Variants in MSI2 observed in about 807,000 individuals in gnomAD.
MSI2 encodes RNA-binding protein Musashi homolog 2.
In MSI2, 17 loss-of-function variants were observed where a neutral mutation model predicts 45.6. The ratio of observed to expected loss-of-function variants is 0.37; its 90% confidence interval spans 0.26 to 0.56. The LOEUF is 0.56. Ranked by LOEUF, MSI2 falls within the 20% of genes least tolerant of loss-of-function variation. MSI2 has a pLI of 0.77. For synonymous variants in MSI2, 156 were observed against 158.2 expected, an observed-to-expected ratio of 0.99 and a Z score of 0.11; for missense variants, 293 against 444.2, an observed-to-expected ratio of 0.66 and a Z score of 3.06.
At chr17:57,660,124 G>A (rs1402820547) in intron 11 of MSI2, among the ~76,000 whole-genome samples, 1 of 152,154 alleles carries the variant, frequency 6.6e-6, no homozygotes, top group Non-Finnish European at 1.5e-5. Flanking sequence ...CTTGTTCAGG[G>A]ATCCTTTTTC....
rs1907675322 is a variant in MSI2, at chr17:57,616,209, G to A, written c.652+125G>A. The A allele has an allele frequency of 5.9e-6, 4 of 672,954 alleles. No individual in the cohort carries two copies. The South Asian group carries it at 7.1e-5, about 12-fold the overall frequency. 41.7% of individuals were successfully genotyped at this position (672,954 alleles called of 1,614,324 possible). On this transcript the variant is annotated intron_variant, in intron 9 of 13. Coordinates refer to ENST00000284073, the MANE Select transcript of MSI2 (RefSeq NM_138962.4). ...TTTCTAAGCCTCAGTTTCCTTGTCTGTAGATGAGGATGATAATTCCCCGTT... is the reference window on the plus strand; with the variant it reads ...TTTCTAAGCCTCAGTTTCCTTGTCTATAGATGAGGATGATAATTCCCCGTT...
At chr17:57,409,954 G>GCCGA (rs796385135) in intron 6 of MSI2, among the ~76,000 whole-genome samples, 8 of 137,410 alleles carry the variant, frequency 5.8e-5, no homozygotes, top group African/African-American at 2.1e-4. Flanking sequence ...GTTGCAGTGA[G>GCCGA]CCGAGATCGT....
At chr17:57,663,863 C>G (rs1385027522) in intron 11 of MSI2, among the ~76,000 whole-genome samples, 1 of 152,162 alleles carries the variant, frequency 6.6e-6, no homozygotes, top group South Asian at 2.1e-4. Flanking sequence ...TGGAGGTTTA[C>G]ACTGTGTTCA....
At chr17:57,601,031 G>A (rs988871520) in intron 8 of MSI2, 1 of 152,208 alleles carries the variant, frequency 6.6e-6, no homozygotes, top group Non-Finnish European at 1.5e-5. Flanking sequence ...CCATCAGACT[G>A]TGTGTCCCCT....
chr17:57,327,106 A>G (rs918375417), intron 5 of MSI2, among the ~76,000 whole-genome samples: 1 of 152,184 alleles, frequency 6.6e-6, no homozygotes, highest in African/African-American at 2.4e-5. Flanking sequence ...CTTGTCCAAC[A>G]TCTAAAAAGA....
chr17:57,679,498 C>A, intron 13 of MSI2, 51 bp from the exon 14 acceptor site: 1 of 982,718 alleles, frequency 1.0e-6, no homozygotes, highest in Non-Finnish European at 1.2e-6. Flanking sequence ...CTCCCCTCTC[C>A]CCTCCATTTT....
At chr17:57,561,958 A>G (rs1200845543) in intron 7 of MSI2, among the ~76,000 whole-genome samples, 2 of 152,132 alleles carry the variant, frequency 1.3e-5, no homozygotes, top group African/African-American at 2.4e-5. Context: ...GGTTCTTTCT[A>G]CTTATTATAT....
intron 5 of MSI2, among the ~76,000 whole-genome samples, chr17:57,277,527 C>T (rs995880833): frequency 1.8e-4 from 27 of 152,296 alleles, no homozygotes; most frequent in African/African-American, 6.3e-4. Context: ...CTCCATGTTT[C>T]GATTTCCCCA....
the MSI2 span, among the ~76,000 whole-genome samples, chr17:57,699,044 AGT>A: frequency 0.011 from 90 of 8,434 alleles, 3 homozygotes; most frequent in Non-Finnish European, 0.016. Flanking sequence ...AGAGAGAGAG[AGT>A]GTGTGTGTGT....
intron 5 of MSI2, among the ~76,000 whole-genome samples, chr17:57,356,135 A>G (rs753078028): frequency 2.0e-5 from 3 of 152,064 alleles, no homozygotes; most frequent in Non-Finnish European, 4.4e-5. Flanking sequence ...TCAGCCTCCC[A>G]AAGTGCTGGG....
At position 57,626,901 on chromosome 17, in the gene MSI2, A is replaced by G. The variant is rs1398679186; in HGVS notation, c.653-328A>G. The stretch of plus-strand genomic sequence containing the variant: ...AATAGCTTTAAGGTAAAGTACATGC[A>G]GGGTAAGCTCTCCAAATGTCAGAGC... On this transcript the variant is annotated intron_variant, in intron 9 of 13. Coordinates refer to ENST00000284073, the MANE Select transcript of MSI2 (RefSeq NM_138962.4). 7 of 404,598 alleles carry G rather than the reference A, an allele frequency of 1.7e-5. No individual in the cohort carries two copies. The East Asian group carries it at 3.4e-4, about 20-fold the overall frequency. 25.1% of individuals were successfully genotyped at this position (404,598 alleles called of 1,614,324 possible). A position where few individuals can be genotyped will look rare whatever the true frequency, so the allele number is the denominator to read the frequency against.
chr17:57,433,963 A>T (rs564674343), intron 6 of MSI2, among the ~76,000 whole-genome samples: 8 of 152,216 alleles, frequency 5.3e-5, no homozygotes, highest in Admixed American at 6.5e-5. Flanking sequence ...ATTGATGAAT[A>T]GTAATGGTTT....
intron 8 of MSI2, among the ~76,000 whole-genome samples, chr17:57,597,603 G>A (rs2144461687): frequency 6.6e-6 from 1 of 152,004 alleles, no homozygotes; most frequent in South Asian, 2.1e-4. Context: ...TCCAGCCTGG[G>A]CAACAAAGTG....
chr17:57,366,756 A>T (rs1339549700), intron 5 of MSI2, among the ~76,000 whole-genome samples: 1 of 152,188 alleles, frequency 6.6e-6, no homozygotes, highest in African/African-American at 2.4e-5. Context: ...ACCCTTTCTA[A>T]TTGCCTTTTA....
intron 5 of MSI2, among the ~76,000 whole-genome samples, chr17:57,363,881 G>T (rs1162056201): frequency 6.6e-6 from 1 of 152,232 alleles, no homozygotes; most frequent in Non-Finnish European, 1.5e-5. Context: ...CCAGACAGGT[G>T]AGAACTGCCC....
At chr17:57,538,966 G>A (rs913488685) in intron 7 of MSI2, among the ~76,000 whole-genome samples, 4 of 152,106 alleles carry the variant, frequency 2.6e-5, no homozygotes, top group Non-Finnish European at 4.4e-5. Flanking sequence ...TGAAGCTTAC[G>A]TCATTTAATG....
chr17:57,302,263 G>A (rs887431402), intron 5 of MSI2, among the ~76,000 whole-genome samples: 1 of 152,060 alleles, frequency 6.6e-6, no homozygotes, highest in Non-Finnish European at 1.5e-5. Context: ...TTCTTCCAGC[G>A]ATTTTGAAAT....
At chr17:57,553,579 G>A (rs961737852) in intron 7 of MSI2, among the ~76,000 whole-genome samples, 1 of 152,290 alleles carries the variant, frequency 6.6e-6, no homozygotes, top group South Asian at 2.1e-4. Flanking sequence ...TTCCTGAGCA[G>A]CTTTCTGAGG....
intron 6 of MSI2, among the ~76,000 whole-genome samples, chr17:57,451,413 C>T (rs2085016843): frequency 6.6e-6 from 1 of 152,174 alleles, no homozygotes; most frequent in East Asian, 1.9e-4. Flanking sequence ...TGGAGGAAGG[C>T]ACCTTCAAAG....
Sources: allele counts gnomAD v4.1 joint callset (sites outside exome capture counted in the v4.1 genomes callset), GRCh38; gene constraint gnomAD v4.1.1; transcripts MANE v1.5; gene names NCBI Gene and HGNC (gene_info 2026-07-23, HGNC 2026-07-21).